Variants in DNAJC6 observed in about 807,000 individuals in gnomAD.
DNAJC6 encodes the protein DnaJ heat shock protein family (Hsp40) member C6.
Under a neutral mutation model 110.0 loss-of-function variants are expected in DNAJC6, and 34 were observed. That is an observed-to-expected ratio of 0.31 (90% CI 0.24 to 0.41). DNAJC6 has a LOEUF of 0.41. Ranked by LOEUF, DNAJC6 falls within the 10% of genes least tolerant of loss-of-function variation. The pLI is 1.00. For missense variants in DNAJC6, 1,031 were observed against 1,207.8 expected (o/e 0.85, Z 2.17); for synonymous variants, 406 against 437.2 (o/e 0.93, Z 0.89).
intron 1 of DNAJC6, among the ~76,000 whole-genome samples, chr1:65,282,668 A>G (rs1427255760): frequency 6.6e-6 from 1 of 152,194 alleles, no homozygotes; most frequent in Non-Finnish European, 1.5e-5. Context: ...CTGCTGCACT[A>G]TTGGTGCAAA....
At position 65,411,347 on chromosome 1, in the gene DNAJC6, T is replaced by C; in HGVS notation, c.2732T>C (p.Val911Ala). 9.9e-6 allele frequency: 16 copies of C among 1,614,196 alleles called. No individual in the cohort carries two copies. Among genetic ancestry groups the C allele is most frequent in the Non-Finnish European group, 1.4e-5 (16 of 1,180,032 alleles). The change falls in exon 18 of 19, where the codon GTT (valine) becomes GCT (alanine). Residue 911 changes from valine to alanine, a missense_variant. Val to Ala is a moderately conservative substitution (Grantham distance 64, BLOSUM62 0). Coordinates refer to ENST00000371069, the MANE Select transcript of DNAJC6 (RefSeq NM_001256864.2). ...GCTGGGGAGACCAAGTGGAAACCAG[T>C]TGGCATGGCAGACCTGGTAACACCA... ...LWAGETKWKPVGMADLVTPEQ... is the reference protein window; with the variant it reads ...LWAGETKWKPAGMADLVTPEQ...
intron 14 of DNAJC6, among the ~76,000 whole-genome samples, chr1:65,399,427 C>T (rs1051598509): frequency 6.6e-6 from 1 of 152,090 alleles, no homozygotes; most frequent in Non-Finnish European, 1.5e-5. Context: ...TGTGACTGCT[C>T]CTGACATTGA....
chr1:65,403,798 T>G (rs534735051), intron 15 of DNAJC6, among the ~76,000 whole-genome samples: 7 of 152,288 alleles, frequency 4.6e-5, no homozygotes, highest in African/African-American at 1.7e-4. Context: ...GAAAATATTC[T>G]AGAAGGGTAG....
rs796488326 is a variant in DNAJC6, at chr1:65,264,776, TATC to T, written c.-284_-282del. The T allele has an allele frequency of 1.3e-5, 19 of 1,476,434 alleles. No homozygotes were observed. In the African/African-American group the frequency reaches 2.4e-4, roughly 19 times the overall value. 91.5% of individuals were successfully genotyped at this position (1,476,434 alleles called of 1,614,324 possible). A position where few individuals can be genotyped will look rare whatever the true frequency, so the allele number is the denominator to read the frequency against. ...CCCCGCACACCGACTTGCATGCAAT[TATC>T]ATAGCCCGAGTGCTCCTCCGTTGAG... On this transcript the variant is annotated 5_prime_UTR_variant, in exon 1 of 20. Transcript: ENST00000263441.
At chr1:65,409,952 C>T (rs541219148) in intron 17 of DNAJC6, among the ~76,000 whole-genome samples, 1 of 152,124 alleles carries the variant, frequency 6.6e-6, no homozygotes, top group African/African-American at 2.4e-5. Context: ...AAAAAAACCA[C>T]ATAACTTCAT....
chr1:65,306,968 CTG>C (rs1421249225), upstream of DNAJC6, among the ~76,000 whole-genome samples: 270 of 122,940 alleles, frequency 2.2e-3, 1 homozygote, highest in African/African-American at 8.2e-3. Context: ...CTCTCTCAAT[CTG>C]TTTCTCTCTC....
At chr1:65,368,069 A>G (rs367602207) in intron 4 of DNAJC6, among the ~76,000 whole-genome samples, 20 of 152,320 alleles carry the variant, frequency 1.3e-4, no homozygotes, top group African/African-American at 4.8e-4. Context: ...TAAACACTAT[A>G]GATATAAAAT....
At chr1:65,346,777 T>C (rs1401630093) in intron 1 of DNAJC6, among the ~76,000 whole-genome samples, 1 of 152,102 alleles carries the variant, frequency 6.6e-6, no homozygotes, top group Non-Finnish European at 1.5e-5. Context: ...TAACCTTTGC[T>C]TGCTCTCCAA....
chr1:65,334,424 G>A (rs902650134), intron 1 of DNAJC6, among the ~76,000 whole-genome samples: 5 of 152,228 alleles, frequency 3.3e-5, no homozygotes, highest in African/African-American at 1.2e-4. Flanking sequence ...GTGAGAGCAC[G>A]GGCTGTTGGG....
chr1:65,276,007 G>A (rs1411946659), intron 1 of DNAJC6, among the ~76,000 whole-genome samples: 2 of 151,142 alleles, frequency 1.3e-5, no homozygotes, highest in Non-Finnish European at 2.9e-5. Flanking sequence ...TCAGCCTCCT[G>A]AGTAGCTGGG....
intron 1 of DNAJC6, among the ~76,000 whole-genome samples, chr1:65,345,354 C>T (rs1174529716): frequency 2.0e-5 from 3 of 152,072 alleles, no homozygotes; most frequent in African/African-American, 4.8e-5. Context: ...TGATTGCCTT[C>T]TAGGTGACAA....
At chr1:65,277,219 C>T (rs1475369402) in intron 1 of DNAJC6, among the ~76,000 whole-genome samples, 1 of 151,984 alleles carries the variant, frequency 6.6e-6, no homozygotes, top group Non-Finnish European at 1.5e-5. Context: ...TCATTTTAAA[C>T]ATGTAAATTT....
chr1:65,266,897 A>ATT (rs543244389), intron 1 of DNAJC6, among the ~76,000 whole-genome samples: 7 of 141,648 alleles, frequency 4.9e-5, no homozygotes, highest in Admixed American at 1.4e-4. Context: ...GGTATTTAGA[A>ATT]TTTTTTTTTT....
intron 4 of DNAJC6, among the ~76,000 whole-genome samples, chr1:65,370,846 T>C (rs1645698494): frequency 6.6e-6 from 1 of 152,222 alleles, no homozygotes; most frequent in Non-Finnish European, 1.5e-5. Context: ...TACCCCTTTT[T>C]CTTCCTGAGC....
intron 1 of DNAJC6, among the ~76,000 whole-genome samples, chr1:65,340,968 T>C (rs1014566457): frequency 6.6e-6 from 1 of 152,184 alleles, no homozygotes; most frequent in African/African-American, 2.4e-5. Context: ...CGTAGCCTGG[T>C]ACCTAGGCTG....
Position 65,379,512 on chromosome 1 carries a change from T to A in DNAJC6, c.654T>A (p.Val218=). ...WLLQNPKNVC[V]VHCLDGRAAS... ...TGCAGAATCCCAAAAATGTCTGTGT[T>A]GTCCACTGCTTGGTGAGTAACCTTT... Residue 218 remains valine (V), a synonymous_variant, in exon 5 of 19, where the codon GTT becomes GTA. Coordinates refer to ENST00000371069, the MANE Select transcript of DNAJC6 (RefSeq NM_001256864.2). 12 of 1,614,050 alleles carry A rather than the reference T, an allele frequency of 7.4e-6. No homozygotes were observed. Among genetic ancestry groups the A allele is most frequent in the Non-Finnish European group, 1.0e-5 (12 of 1,179,950 alleles).
chr1:65,335,304 C>T (rs920683760), intron 1 of DNAJC6, among the ~76,000 whole-genome samples: 1 of 149,180 alleles, frequency 6.7e-6, no homozygotes, highest in Admixed American at 6.7e-5. Flanking sequence ...TTTAGTAAGA[C>T]GGGGTTTCAC....
At chr1:65,277,237 G>A (rs1179057358) in intron 1 of DNAJC6, among the ~76,000 whole-genome samples, 2 of 151,982 alleles carry the variant, frequency 1.3e-5, no homozygotes, top group African/African-American at 4.8e-5. Context: ...TTTAATAAAG[G>A]ATATATGTTG....
chr1:65,384,663 A>C (rs939305872), intron 6 of DNAJC6, among the ~76,000 whole-genome samples: 1 of 152,140 alleles, frequency 6.6e-6, no homozygotes, highest in South Asian at 2.1e-4. Flanking sequence ...CTTATTCACT[A>C]TCATGAGAAC....
Sources: allele counts gnomAD v4.1 joint callset (sites outside exome capture counted in the v4.1 genomes callset), GRCh38; gene constraint gnomAD v4.1.1; transcripts MANE v1.5; gene names NCBI Gene and HGNC (gene_info 2026-07-23, HGNC 2026-07-21).